Variants in SERGEF observed in about 807,000 individuals in gnomAD.
SERGEF encodes secretion-regulating guanine nucleotide exchange factor.
Under a neutral mutation model 50.0 loss-of-function variants are expected in SERGEF, and 51 were observed. The ratio of observed to expected loss-of-function variants is 1.02; its 90% CI spans 0.81 to 1.29. The LOEUF (loss-of-function observed/expected upper bound fraction) is 1.29, where lower values mean the gene tolerates loss of function less well. Ranked by LOEUF, SERGEF falls within the 50% of genes most tolerant of loss-of-function variation. SERGEF has a pLI of 0.00. For synonymous variants in SERGEF, 205 were observed against 212.4 expected (o/e 0.97, Z 0.30); for missense variants, 521 against 557.0 (o/e 0.94, Z 0.65).
chr11:18,008,154 T>C, intron 1 of SERGEF, 78 bp from the exon 2 acceptor site: 1 of 1,423,868 alleles, frequency 7.0e-7, no homozygotes, highest in Non-Finnish European at 9.7e-7. Context: ...TCTGTCTCTC[T>C]CACCCTGACG....
chr11:17,872,619 A>C (rs913467798), intron 10 of SERGEF, among the ~76,000 whole-genome samples: 1 of 152,234 alleles, frequency 6.6e-6, no homozygotes, highest in African/African-American at 2.4e-5. Context: ...ATACTTTGAC[A>C]CAGTAATTTC....
intron 10 of SERGEF, among the ~76,000 whole-genome samples, chr11:17,829,903 C>T (rs988140115): frequency 3.9e-5 from 6 of 152,108 alleles, no homozygotes; most frequent in Admixed American, 3.3e-4. Context: ...ACATTGAGTT[C>T]CTGAGATTAG....
chr11:18,012,294 T>C (rs1027807231), intron 1 of SERGEF, among the ~76,000 whole-genome samples: 1 of 152,176 alleles, frequency 6.6e-6, no homozygotes, highest in Non-Finnish European at 1.5e-5. Context: ...CTTGTTCCCG[T>C]GCATGCTGGT....
chr11:17,977,002 C>A (rs1055015123), intron 8 of SERGEF, among the ~76,000 whole-genome samples: 11 of 152,208 alleles, frequency 7.2e-5, no homozygotes, highest in African/African-American at 2.7e-4. Context: ...GCCTGGGCTT[C>A]TCCAAGAAGG....
chr11:18,011,886 T>A (rs548691582), intron 1 of SERGEF, among the ~76,000 whole-genome samples: 1 of 152,136 alleles, frequency 6.6e-6, no homozygotes, highest in Non-Finnish European at 1.5e-5. Context: ...TCCTGCCAAA[T>A]TGCAGCCCCA....
At chr11:17,986,239 T>C (rs977190932) in intron 8 of SERGEF, among the ~76,000 whole-genome samples, 1 of 152,190 alleles carries the variant, frequency 6.6e-6, no homozygotes, top group African/African-American at 2.4e-5. Context: ...TCAACGACAC[T>C]GGGCCAGAGC....
At chr11:17,864,480 T>C (rs1302780826) in intron 10 of SERGEF, among the ~76,000 whole-genome samples, 20 of 152,184 alleles carry the variant, frequency 1.3e-4, no homozygotes. Context: ...TTAACAGAAA[T>C]GTGACTTGAG....
At chr11:17,956,050 T>C (rs1227431486) in intron 9 of SERGEF, among the ~76,000 whole-genome samples, 1 of 152,152 alleles carries the variant, frequency 6.6e-6, no homozygotes, top group Non-Finnish European at 1.5e-5. Flanking sequence ...ACCCTGGAAT[T>C]TTCCAGGAGT....
chr11:17,979,645 A>T (rs1853451706), intron 8 of SERGEF, among the ~76,000 whole-genome samples: 1 of 152,182 alleles, frequency 6.6e-6, no homozygotes, highest in Middle Eastern at 3.2e-3. Context: ...TTTCTGCACA[A>T]CATGGGACCT....
chr11:17,920,383 T>A (rs1425498243), intron 9 of SERGEF, among the ~76,000 whole-genome samples: 1 of 152,224 alleles, frequency 6.6e-6, no homozygotes, highest in Non-Finnish European at 1.5e-5. Flanking sequence ...ATTTCTTATG[T>A]CTAGGTTTAA....
At chr11:17,848,202 A>G (rs1850648670) in intron 10 of SERGEF, among the ~76,000 whole-genome samples, 3 of 152,180 alleles carry the variant, frequency 2.0e-5, no homozygotes, top group Admixed American at 1.3e-4. Context: ...GTAACAGAGG[A>G]CATATGTGTT....
At chr11:17,794,937 T>C (rs1590117400) in intron 10 of SERGEF, among the ~76,000 whole-genome samples, 1 of 152,246 alleles carries the variant, frequency 6.6e-6, no homozygotes, top group African/African-American at 2.4e-5. Flanking sequence ...GAAATCTCCC[T>C]GAGCCCTGTG....
chr11:17,990,471 G>A (rs1317669746), intron 7 of SERGEF, among the ~76,000 whole-genome samples: 1 of 152,168 alleles, frequency 6.6e-6, no homozygotes, highest in African/African-American at 2.4e-5. Context: ...TAGCAAAGAA[G>A]CCCCCTCAGC....
At chr11:17,798,868 AG>A (rs1849614111) in intron 10 of SERGEF, among the ~76,000 whole-genome samples, 1 of 152,226 alleles carries the variant, frequency 6.6e-6, no homozygotes, top group Non-Finnish European at 1.5e-5. Context: ...TCTGTGGATG[AG>A]GAAACAGGCT....
intron 8 of SERGEF, among the ~76,000 whole-genome samples, chr11:17,980,340 G>T (rs1853471660): frequency 6.6e-6 from 1 of 152,100 alleles, no homozygotes; most frequent in Non-Finnish European, 1.5e-5. Context: ...AAAGTATCTT[G>T]CCTCTCTTCC....
chr11:17,882,980 A>T (rs901356431), intron 9 of SERGEF, among the ~76,000 whole-genome samples: 3 of 152,156 alleles, frequency 2.0e-5, no homozygotes, highest in African/African-American at 7.2e-5. Context: ...GAGAAGGGGG[A>T]CACAACTCCC....
At chr11:18,003,061 C>T (rs1428345224) in intron 4 of SERGEF, among the ~76,000 whole-genome samples, 1 of 152,178 alleles carries the variant, frequency 6.6e-6, no homozygotes, top group African/African-American at 2.4e-5. Context: ...TCAGGGACTA[C>T]AGAGCCTAGA....
chr11:18,004,519 T>C lies in SERGEF; in HGVS notation c.369A>G (p.Leu123=), dbSNP rs755725909. 5 of 1,613,084 alleles carry C rather than the reference T, an allele frequency of 3.1e-6. No homozygotes were observed. Among genetic ancestry groups the C allele is most frequent in the Non-Finnish European group, 2.5e-6 (3 of 1,179,418 alleles). The stretch of plus-strand genomic sequence containing the variant: ...GGCCAAAGGAGTTGGATCCACATGA[T>C]AGAACTTGACCATTTTCTGCAAAAT... ...TIMLTENGQV[L]SCGSNSFGQL... The change falls in exon 4 of 11, where the codon CTA becomes CTG. Residue 123 remains leucine, a synonymous_variant. Transcript: ENST00000265965.
intron 9 of SERGEF, among the ~76,000 whole-genome samples, chr11:17,892,165 G>A (rs1851543653): frequency 6.6e-6 from 1 of 152,108 alleles, no homozygotes; most frequent in Non-Finnish European, 1.5e-5. Flanking sequence ...AGACTGATTG[G>A]ATGAATGTCC....
Sources: gnomAD v4.1 joint callset for allele counts (sites outside exome capture counted in the v4.1 genomes callset) on GRCh38, gnomAD v4.1.1 for gene constraint, MANE v1.5 for transcripts, NCBI Gene and HGNC (gene_info 2026-07-23, HGNC 2026-07-21) for gene names.